Variants in DOLK observed in about 807,000 individuals in gnomAD.
DOLK encodes dolichol kinase.
In DOLK, 20 loss-of-function variants were observed where a neutral mutation model predicts 31.7. That is an observed-to-expected ratio of 0.63 (90% CI 0.44 to 0.92). The LOEUF (loss-of-function observed/expected upper bound fraction) is 0.92, where lower values mean the gene tolerates loss of function less well. DOLK is among the 40% of genes least tolerant of loss of function. The pLI is 0.00. For synonymous variants in DOLK, 309 were observed against 287.0 expected (o/e 1.08, Z -0.77); for missense variants, 594 against 680.7 (o/e 0.87, Z 1.42).
rs1043621586 is a variant in DOLK, at chr9:128,947,534, G to A, written c.-231C>T. 1.5e-5 allele frequency: 14 copies of A among 927,952 alleles called. No individual in the cohort carries two copies. The African/African-American group carries it at 2.0e-4, about 13-fold the overall frequency. 57.5% of individuals were successfully genotyped at this position (927,952 alleles called of 1,614,324 possible). A position where few individuals can be genotyped will look rare whatever the true frequency, so the allele number is the denominator to read the frequency against. On this transcript the variant is annotated 5_prime_UTR_variant, in exon 1 of 1. Coordinates refer to ENST00000372586, the MANE Select transcript of DOLK (RefSeq NM_014908.4). ...CCTACGGCGTAGACGTCGCCACTCTGCAGCCTTCCTCACAGTTACAGCCGC... is the reference window on the plus strand; with the variant it reads ...CCTACGGCGTAGACGTCGCCACTCTACAGCCTTCCTCACAGTTACAGCCGC...
chr9:128,946,320 C>T lies in DOLK; in HGVS notation c.984G>A (p.Lys328=). 1 of 1,614,138 alleles carries T rather than the reference C, an allele frequency of 6.2e-7. No homozygotes were observed. The change falls in exon 1 of 1, where the codon AAG becomes AAA. Residue 328 remains lysine (K), a synonymous_variant. Transcript: ENST00000372586. ...QNAKRSSSES[K]KHQAPTIARK... ...GGGCGATGGTGGGGGCCTGGTGCTT[C>T]TTGGACTCGGAAGATGACCGCTTGG... is the stretch of plus-strand genomic sequence containing the variant.
Position 128,946,264 on chromosome 9 carries a change from G to C in DOLK, c.1040C>G (p.Thr347Ser). Residue 347 changes from threonine to serine, a missense_variant, in exon 1 of 1, where the codon ACC becomes AGC. Physicochemically the swap from Thr to Ser is moderately conservative, Grantham distance 58 (BLOSUM62 1). Coordinates refer to ENST00000372586, the MANE Select transcript of DOLK (RefSeq NM_014908.4). ...RKYFHLIVVATYIPGIIFDRP... is the reference protein window; with the variant it reads ...RKYFHLIVVASYIPGIIFDRP... ...GTCAAAGATGATACCTGGGATGTAGGTGGCTACCACAATGAGGTGGAAATA... is the reference window on the plus strand; with the variant it reads ...GTCAAAGATGATACCTGGGATGTAGCTGGCTACCACAATGAGGTGGAAATA... The C allele has an allele frequency of 6.2e-7, 1 of 1,614,144 alleles. No homozygotes were observed. Among genetic ancestry groups the C allele is most frequent in the Non-Finnish European group, 8.5e-7 (1 of 1,180,040 alleles).
chr9:128,946,577 T>G lies in DOLK; in HGVS notation c.727A>C (p.Thr243Pro). 1 of 1,613,660 alleles carries G rather than the reference T, an allele frequency of 6.2e-7. No homozygotes were observed. Among genetic ancestry groups the G allele is most frequent in the Non-Finnish European group, 8.5e-7 (1 of 1,179,908 alleles). Reference protein sequence around the residue: ...GMVLMGIFFSTLFVFMDSGTW... With the variant: ...GMVLMGIFFSPLFVFMDSGTW... ...CCTGAGTCCATGAAGACAAACAGAG[T>G]GCTGAAGAAAATGCCCATGAGTACC... is the stretch of plus-strand genomic sequence containing the variant. The change falls in exon 1 of 1, where the codon ACT becomes CCT. Residue 243 changes from threonine (T) to proline (P), a missense_variant. Thr to Pro is a conservative substitution (Grantham distance 38). Coordinates refer to ENST00000372586, the MANE Select transcript of DOLK (RefSeq NM_014908.4).
Position 128,946,493 on chromosome 9 carries a change from C to G in DOLK, c.811G>C (p.Val271Leu). The G allele has an allele frequency of 6.2e-7, 1 of 1,614,036 alleles. No individual in the cohort carries two copies. The highest frequency in any genetic ancestry group is 8.5e-7 in the Non-Finnish European group (1 of 1,180,010). The change falls in exon 1 of 1, where the codon GTC (valine) becomes CTC (leucine). Residue 271 changes from valine (V) to leucine (L), a missense_variant. Val to Leu is a conservative substitution (Grantham distance 32). Transcript: ENST00000372586. ...LMTCVLSLGVVLPWLHRLIRR... is the reference protein window; with the variant it reads ...LMTCVLSLGVLLPWLHRLIRR... ...ATGAGCCGGTGCAGCCAGGGTAGGA[C>G]CACACCAAGGCTCAGCACACAGGTC...
chr9:128,947,112 T>C lies in DOLK; in HGVS notation c.192A>G (p.Leu64=), dbSNP rs563156233. ...FYVQYKWDRL[L]QQGSAVFQFR... ...ACTGGAAGACGGCGCTTCCCTGCTG[T>C]AGCAGCCGGTCCCACTTGTATTGGA... The change falls in exon 1 of 1, where the codon CTA becomes CTG. Residue 64 remains leucine, a synonymous_variant. Coordinates refer to ENST00000372586, the MANE Select transcript of DOLK (RefSeq NM_014908.4). 5.1e-5 allele frequency: 83 copies of C among 1,613,956 alleles called. No homozygotes were observed. In the East Asian group the frequency reaches 1.4e-3, roughly 27 times the overall value.
In DOLK at chr9:128,945,842, C is replaced by G; in HGVS notation, c.1462G>C (p.Ala488Pro). 11 of 1,614,234 alleles carry G rather than the reference C, an allele frequency of 6.8e-6. No individual in the cohort carries two copies. The highest frequency in any genetic ancestry group is 9.3e-6 in the Non-Finnish European group (11 of 1,180,044). The stretch of plus-strand genomic sequence containing the variant: ...CCACTGTCAAAGATTAAGATCAGAG[C>G]TACAGAAATGATCTGCGCAAATATA... Reference protein sequence around the residue: ...TSIFAQIISVALILIFDSGVD... With the variant: ...TSIFAQIISVPLILIFDSGVD... Residue 488 changes from alanine (A) to proline (P), a missense_variant, in exon 1 of 1, where the codon GCT becomes CCT. Coordinates refer to ENST00000372586, the MANE Select transcript of DOLK (RefSeq NM_014908.4).
chr9:128,946,250 T>C lies in DOLK; in HGVS notation c.1054A>G (p.Ile352Val), dbSNP rs770667646. 3.7e-6 allele frequency: 6 copies of C among 1,614,154 alleles called. No individual in the cohort carries two copies. The highest frequency in any genetic ancestry group is 5.1e-6 in the Non-Finnish European group (6 of 1,180,038). Reference sequence around the variant, plus strand: ...TAGAGCAGTGGCCGGTCAAAGATGATACCTGGGATGTAGGTGGCTACCACA... The same window carrying C: ...TAGAGCAGTGGCCGGTCAAAGATGACACCTGGGATGTAGGTGGCTACCACA... ...LIVVATYIPGIIFDRPLLYVA... is the reference protein window; with the variant it reads ...LIVVATYIPGVIFDRPLLYVA... Residue 352 changes from isoleucine (I) to valine (V), a missense_variant, in exon 1 of 1, where the codon ATC (isoleucine) becomes GTC (valine). Ile to Val is a conservative substitution (Grantham distance 29). Coordinates refer to ENST00000372586, the MANE Select transcript of DOLK (RefSeq NM_014908.4).
chr9:128,946,809 G>C lies in DOLK; in HGVS notation c.495C>G (p.Ile165Met), dbSNP rs149177994. 6.2e-7 allele frequency: 1 copy of C among 1,613,630 alleles called. No individual in the cohort carries two copies. Among genetic ancestry groups the C allele is most frequent in the Non-Finnish European group, 8.5e-7 (1 of 1,180,016 alleles). Residue 165 changes from isoleucine to methionine, a missense_variant, in exon 1 of 1, where the codon ATC (isoleucine) becomes ATG (methionine). Physicochemically the swap from Ile to Met is conservative, Grantham distance 10. Coordinates refer to ENST00000372586, the MANE Select transcript of DOLK (RefSeq NM_014908.4). ...AGATCAGAAGGACTTCCAGGACTTC[G>C]ATCACCTCCCCCACGCTCAACGAGT... The part of the protein sequence containing the change: ...MKHSLSVGEV[I>M]EVLEVLLIFV...
rs769448633 is a variant in DOLK, at chr9:128,945,798, A to G, written c.1506T>C (p.Ser502=). 6.2e-7 allele frequency: 1 copy of G among 1,614,218 alleles called. No homozygotes were observed. The change falls in exon 1 of 1, where the codon AGT becomes AGC. Residue 502 remains serine, a synonymous_variant. Coordinates refer to ENST00000372586, the MANE Select transcript of DOLK (RefSeq NM_014908.4). ...TGATGGACCCCAAAATCCAAGCATA[A>G]CTGTAGTTTAGGTCCACTCCACTGT... The part of the protein sequence containing the change: ...IFDSGVDLNY[S]YAWILGSIST...
In DOLK at chr9:128,946,901, G is replaced by A. The variant is rs986989519; in HGVS notation, c.403C>T (p.Pro135Ser). The part of the protein sequence containing the change: ...SSVLALGITR[P>S]VPTNTCVILG... ...ATGACACAAGTGTTGGTTGGCACTG[G>A]GCGAGTGATGCCGAGCGCCAACACT... Residue 135 changes from proline (P) to serine (S), a missense_variant, in exon 1 of 1, where the codon CCA (proline) becomes TCA (serine). Coordinates refer to ENST00000372586, the MANE Select transcript of DOLK (RefSeq NM_014908.4). The A allele has an allele frequency of 6.2e-7, 1 of 1,605,380 alleles. No homozygotes were observed. The highest frequency in any genetic ancestry group is 1.7e-5 in the Admixed American group (1 of 59,972).
chr9:128,947,028 T>A lies in DOLK; in HGVS notation c.276A>T (p.Gly92=). The change falls in exon 1 of 1, where the codon GGA becomes GGT. Residue 92 remains glycine, a synonymous_variant. Transcript: ENST00000372586. ...TCTGGCACCGCTCCTTCATGACTAGTCCAAGCAAAGGCATGACCATGGAGG... is the reference window on the plus strand; with the variant it reads ...TCTGGCACCGCTCCTTCATGACTAGACCAAGCAAAGGCATGACCATGGAGG... ...LPASMVMPLL[G]LVMKERCQTA... 6.2e-7 allele frequency: 1 copy of A among 1,612,624 alleles called. No individual in the cohort carries two copies. The highest frequency in any genetic ancestry group is 8.5e-7 in the Non-Finnish European group (1 of 1,179,956).
In DOLK at chr9:128,945,655, T is replaced by C. The variant is rs368342328; in HGVS notation, c.*32A>G. 2 of 1,613,678 alleles carry C rather than the reference T, an allele frequency of 1.2e-6. No homozygotes were observed. The highest frequency in any genetic ancestry group is 8.5e-7 in the Non-Finnish European group (1 of 1,179,898). On this transcript the variant is annotated 3_prime_UTR_variant, in exon 1 of 1. Transcript: ENST00000372586. ...GGACTGTTCACCCTCCCCATGTCTG[T>C]TTCCTCCGTCACTGCTGCTGCACTG... is the stretch of plus-strand genomic sequence containing the variant.
Position 128,946,465 on chromosome 9 carries a change from C to T in DOLK, c.839G>A (p.Arg280His), listed in dbSNP as rs779503646. Residue 280 changes from arginine (R) to histidine (H), a missense_variant, in exon 1 of 1, where the codon CGC (arginine) becomes CAC (histidine). Coordinates refer to ENST00000372586, the MANE Select transcript of DOLK (RefSeq NM_014908.4). Reference sequence around the variant, plus strand: ...AAGAAGCCAGAGCAGGGGATTCCTGCGGATGAGCCGGTGCAGCCAGGGTAG... The same window carrying T: ...AAGAAGCCAGAGCAGGGGATTCCTGTGGATGAGCCGGTGCAGCCAGGGTAG... ...VVLPWLHRLIRRNPLLWLLQF... is the reference protein window; with the variant it reads ...VVLPWLHRLIHRNPLLWLLQF... 1.3e-5 allele frequency: 21 copies of T among 1,614,038 alleles called. No individual in the cohort carries two copies. Among genetic ancestry groups the T allele is most frequent in the East Asian group, 4.5e-5 (2 of 44,874 alleles).
At position 128,946,963 on chromosome 9, in the gene DOLK, A is replaced by G. The variant is rs1449264076; in HGVS notation, c.341T>C (p.Val114Ala). Residue 114 changes from valine to alanine, a missense_variant, in exon 1 of 1, where the codon GTG becomes GCG. Physicochemically the swap from Val to Ala is moderately conservative, Grantham distance 64. Transcript: ENST00000372586. ...NPFFERFGIV[V>A]AATGMAVALF... ...GGCCACTGCCATGCCAGTGGCTGCCACCACAATGCCAAAACGCTCAAAGAA... is the reference window on the plus strand; with the variant it reads ...GGCCACTGCCATGCCAGTGGCTGCCGCCACAATGCCAAAACGCTCAAAGAA... 2 of 1,603,198 alleles carry G rather than the reference A, an allele frequency of 1.2e-6. No individual in the cohort carries two copies. The highest frequency in any genetic ancestry group is 2.2e-5 in the South Asian group (2 of 91,062).
Position 128,946,482 on chromosome 9 carries a change from C to T in DOLK, c.822G>A (p.Trp274Ter). The stretch of plus-strand genomic sequence containing the variant: ...GATTCCTGCGGATGAGCCGGTGCAG[C>T]CAGGGTAGGACCACACCAAGGCTCA... ...CVLSLGVVLP[W>*]LHRLIRRNPL... The change falls in exon 1 of 1, where the codon TGG becomes TGA. Residue 274 changes from tryptophan to a stop codon, truncating the protein, a stop_gained. Coordinates refer to ENST00000372586, the MANE Select transcript of DOLK (RefSeq NM_014908.4). LOFTEE classifies it high-confidence loss of function. The T allele has an allele frequency of 6.2e-7, 1 of 1,614,026 alleles. No homozygotes were observed. The highest frequency in any genetic ancestry group is 8.5e-7 in the Non-Finnish European group (1 of 1,180,018).
rs1245711360 is a variant in DOLK, at chr9:128,946,996, C to T, written c.308G>A (p.Gly103Glu). The T allele has an allele frequency of 1.2e-6, 2 of 1,608,772 alleles. No homozygotes were observed. The highest frequency in any genetic ancestry group is 2.2e-5 in the East Asian group (1 of 44,836). The change falls in exon 1 of 1, where the codon GGG becomes GAG. Residue 103 changes from glycine to glutamate, a missense_variant. Transcript: ENST00000372586. ...LVMKERCQTA[G>E]NPFFERFGIV... ...GCCAAAACGCTCAAAGAACGGGTTC[C>T]CAGCAGTCTGGCACCGCTCCTTCAT...
Position 128,946,135 on chromosome 9 carries a change from C to T in DOLK, c.1169G>A (p.Ser390Asn). 1 of 1,614,184 alleles carries T rather than the reference C, an allele frequency of 6.2e-7. No homozygotes were observed. Among genetic ancestry groups the T allele is most frequent in the Non-Finnish European group, 8.5e-7 (1 of 1,180,040 alleles). Residue 390 changes from serine to asparagine, a missense_variant, in exon 1 of 1, where the codon AGC becomes AAC. Transcript: ENST00000372586. ...TTCATCCAGAAAAAGGGACAGGAAG[C>T]TCCGTAGAGTGTGACCCAAAGGCTT... ...RIKPLGHTLR[S>N]FLSLFLDERD...
In DOLK at chr9:128,945,917, C is replaced by T; in HGVS notation, c.1387G>A (p.Glu463Lys). 1 of 1,614,172 alleles carries T rather than the reference C, an allele frequency of 6.2e-7. No homozygotes were observed. The highest frequency in any genetic ancestry group is 8.5e-7 in the Non-Finnish European group (1 of 1,180,044). Residue 463 changes from glutamate (E) to lysine (K), a missense_variant, in exon 1 of 1, where the codon GAG becomes AAG. Glu to Lys is a moderately conservative substitution (Grantham distance 56, BLOSUM62 1). Coordinates refer to ENST00000372586, the MANE Select transcript of DOLK (RefSeq NM_014908.4). Reference sequence around the variant, plus strand: ...TTTTTGGTTCCAGGCCAGCGGATCTCCCCCATGGTGCTACCGAAGATGGAG... The same window carrying T: ...TTTTTGGTTCCAGGCCAGCGGATCTTCCCCATGGTGCTACCGAAGATGGAG... ...VASIFGSTMG[E>K]IRWPGTKKTF...
Position 128,945,834 on chromosome 9 carries a change from G to A in DOLK, c.1470C>T (p.Ile490=). ...GGTCCACTCCACTGTCAAAGATTAA[G>A]ATCAGAGCTACAGAAATGATCTGCG... ...IFAQIISVAL[I]LIFDSGVDLN... is the part of the protein sequence containing the mutation. The change falls in exon 1 of 1, where the codon ATC becomes ATT. Residue 490 remains isoleucine, a synonymous_variant. Transcript: ENST00000372586. The A allele has an allele frequency of 6.2e-7, 1 of 1,614,228 alleles. No individual in the cohort carries two copies. Among genetic ancestry groups the A allele is most frequent in the Middle Eastern group, 1.6e-4 (1 of 6,062 alleles).
Sources: gnomAD v4.1 joint callset for allele counts on GRCh38, gnomAD v4.1.1 for gene constraint, MANE v1.5 for transcripts, NCBI Gene and HGNC (gene_info 2026-07-23, HGNC 2026-07-21) for gene names.